Variants in HSDL1 observed in about 807,000 individuals in gnomAD.
The protein encoded by HSDL1 is inactive hydroxysteroid dehydrogenase-like protein 1.
In HSDL1, 29 loss-of-function variants were observed where a neutral mutation model predicts 31.5. The observed-to-expected ratio is 0.92, with a 90% confidence interval of 0.69 to 1.26. The LOEUF (loss-of-function observed/expected upper bound fraction) is 1.26, where lower values mean the gene tolerates loss of function less well. HSDL1 is among the 50% of genes most tolerant of loss of function. The probability of loss-of-function intolerance (pLI) is 0.00; values close to 1 mark genes in which losing one functional copy is unlikely to be tolerated. For missense variants in HSDL1, 503 were observed against 416.6 expected (o/e 1.21, Z -1.81); for synonymous variants, 222 against 155.2 (o/e 1.43, Z -3.20).
At chr16:84,140,834 T>G (rs2086759907) in intron 1 of HSDL1, among the ~76,000 whole-genome samples, 1 of 151,984 alleles carries the variant, frequency 6.6e-6, no homozygotes, top group African/African-American at 2.4e-5. Context: ...CCGGGCGCGG[T>G]GGCTCACGCC....
chr16:84,130,155 G>A lies in HSDL1; in HGVS notation c.497C>T (p.Ser166Phe), dbSNP rs1318728444. ...TATGATGTCCCAGAGCTTGTCCTCG[G>A]ACAGCTGAGTGAAATACTGCGGGTA... Reference protein sequence around the residue: ...YPYPQYFTQLSEDKLWDIINV... With the variant: ...YPYPQYFTQLFEDKLWDIINV... The change falls in exon 4 of 6, where the codon TCC becomes TTC. Residue 166 changes from serine to phenylalanine, a missense_variant. Transcript: ENST00000219439. 1 of 1,614,062 alleles carries A rather than the reference G, an allele frequency of 6.2e-7. No homozygotes were observed. The highest frequency in any genetic ancestry group is 8.5e-7 in the Non-Finnish European group (1 of 1,180,038).
In HSDL1 at chr16:84,130,291, T is replaced by C. The variant is rs745728959; in HGVS notation, c.361A>G (p.Ile121Val). ...IADTYKVETD[I>V]IVADFSSGRE... ...CCGCTGCTGAAGTCCGCAACTATAA[T>C]ATCAGTTTCCACTTTGTACGTGTCG... Residue 121 changes from isoleucine to valine, a missense_variant, in exon 4 of 6, where the codon ATT (isoleucine) becomes GTT (valine). Physicochemically the swap from Ile to Val is conservative, Grantham distance 29 (BLOSUM62 3). Coordinates refer to ENST00000219439, the MANE Select transcript of HSDL1 (RefSeq NM_031463.5). The C allele has an allele frequency of 1.2e-5, 20 of 1,614,132 alleles. No homozygotes were observed. The highest frequency in any genetic ancestry group is 1.6e-5 in the Non-Finnish European group (19 of 1,180,060).
At position 84,124,330 on chromosome 16, in the gene HSDL1, T is replaced by C. The variant is rs1400556825; in HGVS notation, c.*300A>G. The C allele has an allele frequency of 1.4e-5, 3 of 210,656 alleles. No homozygotes were observed. The highest frequency in any genetic ancestry group is 6.9e-5 in the African/African-American group (3 of 43,760). 13.0% of individuals were successfully genotyped at this position (210,656 alleles called of 1,614,324 possible). A position where few individuals can be genotyped will look rare whatever the true frequency, so the allele number is the denominator to read the frequency against. The stretch of plus-strand genomic sequence containing the variant: ...TGACAAATCATATTATATTTCAATA[T>C]TAGACTGCTGTGGCTCTAGAACAAC... On this transcript the variant is annotated 3_prime_UTR_variant, in exon 6 of 6. Coordinates refer to ENST00000219439, the MANE Select transcript of HSDL1 (RefSeq NM_031463.5).
intron 5 of HSDL1, among the ~76,000 whole-genome samples, chr16:84,126,994 A>C (rs2086614172): frequency 6.6e-6 from 1 of 152,222 alleles, no homozygotes; most frequent in Admixed American, 6.5e-5. Context: ...TTCTCAAGGA[A>C]AGTTTATCAA....
At chr16:84,127,875 C>G (rs1158845800) in intron 5 of HSDL1, among the ~76,000 whole-genome samples, 2 of 151,394 alleles carry the variant, frequency 1.3e-5, no homozygotes, top group African/African-American at 4.8e-5. Context: ...CCCACCACCA[C>G]GCCTAGCTAA....
rs776867049 is a variant in HSDL1, at chr16:84,129,673, C to A, written c.769G>T (p.Ala257Ser). 3.7e-6 allele frequency: 6 copies of A among 1,614,042 alleles called. No homozygotes were observed. The East Asian group carries it at 1.3e-4, about 36-fold the overall frequency. Residue 257 changes from alanine to serine, a missense_variant, in exon 5 of 6, where the codon GCA becomes TCA. Ala to Ser is a moderately conservative substitution (Grantham distance 99, BLOSUM62 1). Transcript: ENST00000219439. The part of the protein sequence containing the change: ...IPFYVATSMT[A>S]PSNFLHRCSW... ...CACCTGTGCAGAAAGTTGCTGGGTGCTGTCATGCTGGTGGCTACATAGAAA... is the reference window on the plus strand; with the variant it reads ...CACCTGTGCAGAAAGTTGCTGGGTGATGTCATGCTGGTGGCTACATAGAAA...
intron 5 of HSDL1, among the ~76,000 whole-genome samples, chr16:84,127,400 G>A (rs1371011747): frequency 6.6e-6 from 1 of 151,236 alleles, no homozygotes; most frequent in African/African-American, 2.4e-5. Context: ...ATTTTTAGTA[G>A]AGATGGGGTT....
In HSDL1 at chr16:84,123,531, G is replaced by T. The variant is rs186436024; in HGVS notation, c.*1099C>A. 5 of 152,282 alleles carry T rather than the reference G, an allele frequency of 3.3e-5. No homozygotes were observed. The highest frequency in any genetic ancestry group is 1.2e-4 in the African/African-American group (5 of 41,544). The allele number at this position is 152,282 out of a possible 1,614,324, so 9.4% of individuals were successfully genotyped here. A position where few individuals can be genotyped will look rare whatever the true frequency, so the allele number is the denominator to read the frequency against. On this transcript the variant is annotated 3_prime_UTR_variant, in exon 6 of 6. Transcript: ENST00000219439. ...CATAATTATCTTCACACCAGTAAAG[G>T]TATTCACTACAATACATAAATTCAT...
intron 5 of HSDL1, among the ~76,000 whole-genome samples, chr16:84,126,455 G>A (rs1028184993): frequency 2.0e-5 from 3 of 152,110 alleles, no homozygotes; most frequent in African/African-American, 7.2e-5. Context: ...CCAGGATGGT[G>A]TTCAACATCC....
chr16:84,135,006 G>C (rs2086699629), intron 2 of HSDL1, among the ~76,000 whole-genome samples: 1 of 152,144 alleles, frequency 6.6e-6, no homozygotes, highest in South Asian at 2.1e-4. Flanking sequence ...GGCCGAGACG[G>C]GCGGATCACG....
At chr16:84,130,509 C>G (rs1456594735) in intron 3 of HSDL1, 78 bp from the exon 4 acceptor site, 3 of 1,186,182 alleles carry the variant, frequency 2.5e-6, no homozygotes, top group Non-Finnish European at 3.6e-6. Context: ...TACCCCCTGT[C>G]AGGTTTAGTC....
chr16:84,131,295 G>A lies in HSDL1; in HGVS notation c.27C>T (p.Leu9=), dbSNP rs764689061. 1.9e-6 allele frequency: 3 copies of A among 1,614,100 alleles called. No homozygotes were observed. Among genetic ancestry groups the A allele is most frequent in the Non-Finnish European group, 2.5e-6 (3 of 1,179,980 alleles). Residue 9 remains leucine (L), a synonymous_variant, in exon 3 of 6, where the codon CTC becomes CTT. Transcript: ENST00000219439. MAAVDSFY[L]LYREIARSCN... ...AAGACCTGGCGATTTCCCTGTACAA[G>A]AGGTAGAAACTGTCAACAGCAGCCA...
chr16:84,129,569 T>G lies in HSDL1; in HGVS notation c.873A>C (p.Gly291=), dbSNP rs146175711. The G allele has an allele frequency of 5.0e-5, 81 of 1,612,756 alleles. No individual in the cohort carries two copies. The highest frequency in any genetic ancestry group is 6.6e-5 in the Non-Finnish European group (78 of 1,178,856). The part of the protein sequence containing the change: ...STLGISKRTT[G]YWSHSIQFLF... The stretch of plus-strand genomic sequence containing the variant: ...CTACCTGAATAGAATGGGACCAATA[T>G]CCTGTGGTCCTTTTGGAAATCCCAA... The change falls in exon 5 of 6, where the codon GGA becomes GGC. Residue 291 remains glycine, a synonymous_variant. Coordinates refer to ENST00000219439, the MANE Select transcript of HSDL1 (RefSeq NM_031463.5).
chr16:84,134,717 T>C (rs965107461), intron 2 of HSDL1, among the ~76,000 whole-genome samples: 10 of 152,192 alleles, frequency 6.6e-5, no homozygotes, highest in African/African-American at 2.4e-4. Flanking sequence ...GGGTGCCTTT[T>C]GTCATAACTA....
intron 2 of HSDL1, among the ~76,000 whole-genome samples, chr16:84,133,381 G>A (rs995193717): frequency 1.3e-5 from 2 of 152,168 alleles, no homozygotes; most frequent in Admixed American, 1.3e-4. Flanking sequence ...TACTGGTACC[G>A]TATTAAGTTG....
rs71148881 is a variant in HSDL1, at chr16:84,127,209, C to CTT, written c.894+2337_894+2338dup. On this transcript the variant is annotated intron_variant, in intron 5 of 5. Coordinates refer to ENST00000219439, the MANE Select transcript of HSDL1 (RefSeq NM_031463.5). ...AACTACTTAAATAAAACTGTTTCTT[C>CTT]TTTTTTTTTTTTTTTTTTTTTTTTT... is the stretch of plus-strand genomic sequence containing the variant. Among the ~76,000 whole-genome samples the CTT allele has an allele frequency of 8.1e-3, 755 of 93,312 alleles. 26 individuals are homozygous for CTT. Among genetic ancestry groups the CTT allele is most frequent in the African/African-American group, 0.015 (401 of 25,906 alleles). 61.2% of individuals were successfully genotyped at this position (93,312 alleles called of 152,430 possible).
chr16:84,127,206 C>CTTCTTTTTT (rs2086617460), intron 5 of HSDL1, among the ~76,000 whole-genome samples: 2 of 114,880 alleles, frequency 1.7e-5, no homozygotes, highest in African/African-American at 3.4e-5. Context: ...AAAACTGTTT[C>CTTCTTTTTT]TTCTTTTTTT....
At chr16:84,144,320 G>GC in intron 1 of HSDL1, 1 of 152,254 alleles carries the variant, frequency 6.6e-6, no homozygotes, top group East Asian at 1.9e-4. Context: ...ATAGCAAGGC[G>GC]CAGAGTCCTG....
At chr16:84,136,271 G>A (rs2086711516) in intron 1 of HSDL1, among the ~76,000 whole-genome samples, 1 of 152,158 alleles carries the variant, frequency 6.6e-6, no homozygotes, top group African/African-American at 2.4e-5. Flanking sequence ...TGGGTCAGAT[G>A]CTTTAAGGAG....
Sources: gnomAD v4.1 joint callset for allele counts (sites outside exome capture counted in the v4.1 genomes callset) on GRCh38, gnomAD v4.1.1 for gene constraint, MANE v1.5 for transcripts, NCBI Gene and HGNC (gene_info 2026-07-23, HGNC 2026-07-21) for gene names.